The following GATAD2A variants were observed in gnomAD, a reference collection of about 807,000 sequenced individuals.
The protein encoded by GATAD2A is GATA zinc finger domain containing 2A.
Under a neutral mutation model 68.5 loss-of-function variants are expected in GATAD2A, and 12 were observed. The observed-to-expected ratio is 0.18, with a 90% CI of 0.11 to 0.28. GATAD2A has a LOEUF of 0.28. GATAD2A is among the 10% of genes least tolerant of loss of function. The probability of loss-of-function intolerance (pLI) is 1.00; values close to 1 mark genes in which losing one functional copy is unlikely to be tolerated. For synonymous variants in GATAD2A, 410 were observed against 375.3 expected (o/e 1.09, Z -1.07); for missense variants, 755 against 868.5 (o/e 0.87, Z 1.64).
chr19:19,409,804 A>T (rs1317604998), intron 1 of GATAD2A, among the ~76,000 whole-genome samples: 1 of 152,204 alleles, frequency 6.6e-6, no homozygotes, highest in Non-Finnish European at 1.5e-5. Flanking sequence ...GCATCCCCGC[A>T]AACAGGATCT....
chr19:19,392,485 T>G (rs553068286), intron 1 of GATAD2A, among the ~76,000 whole-genome samples: 1 of 151,152 alleles, frequency 6.6e-6, no homozygotes, highest in South Asian at 2.1e-4. Flanking sequence ...CTCCACCTCC[T>G]GGGTTCAAGC....
chr19:19,431,385 C>T (rs2053727102), intron 1 of GATAD2A, among the ~76,000 whole-genome samples: 2 of 151,070 alleles, frequency 1.3e-5, no homozygotes, highest in South Asian at 4.2e-4. Context: ...ACTATCCCTG[C>T]TCGTCCATTC....
At chr19:19,429,824 G>C (rs559648974) in intron 1 of GATAD2A, among the ~76,000 whole-genome samples, 2 of 152,136 alleles carry the variant, frequency 1.3e-5, no homozygotes, top group Admixed American at 6.5e-5. Context: ...ATTGGGTCTT[G>C]GTCCTCCCGG....
rs768250542 is a variant in GATAD2A, at chr19:19,496,174, C to T, written c.879C>T (p.Arg293=). 10 of 1,613,676 alleles carry T rather than the reference C, an allele frequency of 6.2e-6. No homozygotes were observed. Among genetic ancestry groups the T allele is most frequent in the Non-Finnish European group, 5.9e-6 (7 of 1,180,008 alleles). ...GQRIIQQGLI[R]VANVPNTSLL... is the part of the protein sequence containing the mutation. The stretch of plus-strand genomic sequence containing the variant: ...GGATCATCCAGCAGGGCCTCATCCG[C>T]GTCGCCAATGTTCCCAACACCAGCC... Residue 293 remains arginine, a synonymous_variant, in exon 7 of 12, where the codon CGC becomes CGT. Coordinates refer to ENST00000683918, the MANE Select transcript of GATAD2A (RefSeq NM_001384528.1).
At chr19:19,406,321 G>A (rs1012931138) in intron 1 of GATAD2A, among the ~76,000 whole-genome samples, 1 of 151,736 alleles carries the variant, frequency 6.6e-6, no homozygotes, top group African/African-American at 2.4e-5. Context: ...GGAAGGGCTG[G>A]GCCGCGAGGC....
chr19:19,489,441 G>T (rs1338921568), intron 2 of GATAD2A, among the ~76,000 whole-genome samples: 1 of 152,244 alleles, frequency 6.6e-6, no homozygotes, highest in Non-Finnish European at 1.5e-5. Flanking sequence ...AAATGCCTTT[G>T]TCACATGACT....
At chr19:19,460,332 G>A (rs1255550033) in intron 1 of GATAD2A, among the ~76,000 whole-genome samples, 2 of 152,352 alleles carry the variant, frequency 1.3e-5, no homozygotes, top group East Asian at 3.9e-4. Context: ...GCGCTCTGGA[G>A]GTGGGCACCT....
intron 1 of GATAD2A, among the ~76,000 whole-genome samples, chr19:19,459,597 G>A (rs2057243185): frequency 6.6e-6 from 1 of 152,194 alleles, no homozygotes; most frequent in Admixed American, 6.5e-5. Flanking sequence ...GAATTTGAGA[G>A]TCTCTATCTA....
At position 19,453,751 on chromosome 19, in the gene GATAD2A, A is replaced by G. The variant is rs142024496; in HGVS notation, c.-6-11589A>G. Among the ~76,000 whole-genome samples the G allele has an allele frequency of 3.1e-3, 474 of 150,698 alleles. 4 individuals carry two copies. In the South Asian group the frequency reaches 0.041, roughly 13 times the overall value. ...GAGCGCAGTGGAGCAATCTCAGCTC[A>G]CTGCAACCTCCACCTCCTGGGTTCA... On this transcript the variant is annotated intron_variant, in intron 1 of 11. Coordinates refer to ENST00000683918, the MANE Select transcript of GATAD2A (RefSeq NM_001384528.1).
chr19:19,440,885 ATTTCCTTC>A (rs2054944060), intron 1 of GATAD2A, among the ~76,000 whole-genome samples: 1 of 151,016 alleles, frequency 6.6e-6, no homozygotes, highest in Non-Finnish European at 1.5e-5. Context: ...AAACAAATTT[ATTTCCTTC>A]TTTCCTTCCC....
At chr19:19,427,197 C>G (rs1295437700) in intron 1 of GATAD2A, among the ~76,000 whole-genome samples, 2 of 151,996 alleles carry the variant, frequency 1.3e-5, no homozygotes. Context: ...ATGGTAAGTT[C>G]TGGAGATGGA....
chr19:19,444,023 A>G (rs1268150811), intron 1 of GATAD2A, among the ~76,000 whole-genome samples: 2 of 152,126 alleles, frequency 1.3e-5, no homozygotes, highest in East Asian at 3.9e-4. Flanking sequence ...TTAGCAATAA[A>G]GTGGGTGCTG....
intron 10 of GATAD2A, 50 bp from the exon 11 acceptor site, chr19:19,502,278 CCTG>C: frequency 7.3e-7 from 1 of 1,374,392 alleles, no homozygotes; most frequent in South Asian, 1.2e-5. Flanking sequence ...GAGTGTCTCG[CCTG>C]CTGCTGTCTT....
intron 1 of GATAD2A, among the ~76,000 whole-genome samples, chr19:19,415,195 C>T (rs1460034276): frequency 6.7e-6 from 1 of 150,052 alleles, no homozygotes; most frequent in Non-Finnish European, 1.5e-5. Context: ...TCTTGTTGCC[C>T]AGGCTAGAGT....
At chr19:19,477,851 G>A (rs564756085) in intron 2 of GATAD2A, among the ~76,000 whole-genome samples, 4 of 152,268 alleles carry the variant, frequency 2.6e-5, no homozygotes, top group East Asian at 3.9e-4. Context: ...TCAGAATAGC[G>A]TCCTCACACT....
rs778441150 is a variant in GATAD2A at position 19,465,413 on chromosome 19, A to C, written c.68A>C (p.Asp23Ala). The change falls in exon 2 of 12, where the codon GAT (aspartate) becomes GCT (alanine). Residue 23 changes from aspartate to alanine, a missense_variant. Coordinates refer to ENST00000683918, the MANE Select transcript of GATAD2A (RefSeq NM_001384528.1). The part of the protein sequence containing the change: ...RALERDPTED[D>A]VESKKIKMER... ...CTTGAACGGGACCCAACAGAGGACG[A>C]TGTGGAGAGCAAGAAAATAAAAATG... 2.5e-6 allele frequency: 4 copies of C among 1,613,768 alleles called. No homozygotes were observed. Among genetic ancestry groups the C allele is most frequent in the Admixed American group, 3.3e-5 (2 of 60,016 alleles).
intron 1 of GATAD2A, among the ~76,000 whole-genome samples, chr19:19,420,004 A>ATTTT (rs1399868589): frequency 6.1e-5 from 6 of 98,004 alleles, no homozygotes; most frequent in African/African-American, 3.2e-4. Context: ...AACCATCTTG[A>ATTTT]CTTTTTTTTT....
chr19:19,447,621 G>A (rs534565463), intron 1 of GATAD2A, among the ~76,000 whole-genome samples: 27 of 152,338 alleles, frequency 1.8e-4, no homozygotes, highest in African/African-American at 6.3e-4. Flanking sequence ...TTTGTGGGTA[G>A]ACCCACGGGC....
intron 4 of GATAD2A, among the ~76,000 whole-genome samples, chr19:19,492,919 G>A (rs1308109766): frequency 6.6e-6 from 1 of 151,476 alleles, no homozygotes; most frequent in Admixed American, 6.6e-5. Flanking sequence ...AGAGTATTCT[G>A]GTTCTGAGGG....
Sources: allele counts gnomAD v4.1 joint callset (sites outside exome capture counted in the v4.1 genomes callset), GRCh38; gene constraint gnomAD v4.1.1; transcripts MANE v1.5; gene names NCBI Gene and HGNC (gene_info 2026-07-23, HGNC 2026-07-21).